The following PNRC1 variants were observed in gnomAD, a reference collection of about 807,000 sequenced individuals.
The protein encoded by PNRC1 is proline rich nuclear receptor coactivator 1.
A neutral mutation model predicts 20.2 loss-of-function variants in PNRC1; 6 were observed. The ratio of observed to expected loss-of-function variants is 0.30; its 90% CI spans 0.16 to 0.59. The LOEUF is 0.59. Ranked by LOEUF, PNRC1 falls within the 20% of genes least tolerant of loss-of-function variation. The pLI, the probability that PNRC1 is intolerant of heterozygous loss-of-function variation, is 0.89. For missense variants in PNRC1, 488 were observed against 430.2 expected, an observed-to-expected ratio of 1.13 and a Z score of -1.19; for synonymous variants, 202 against 186.9, an observed-to-expected ratio of 1.08 and a Z score of -0.66.
Position 89,080,829 on chromosome 6 carries a change from A to C in PNRC1, c.-66A>C. 1 of 1,449,386 alleles carries C rather than the reference A, an allele frequency of 6.9e-7. No individual in the cohort carries two copies. Among genetic ancestry groups the C allele is most frequent in the African/African-American group, 1.9e-5 (1 of 52,340 alleles). 89.8% of individuals were successfully genotyped at this position (1,449,386 alleles called of 1,614,324 possible). A position where few individuals can be genotyped will look rare whatever the true frequency, so the allele number is the denominator to read the frequency against. On this transcript the variant is annotated 5_prime_UTR_variant, in exon 1 of 2. Coordinates refer to ENST00000336032, the MANE Select transcript of PNRC1 (RefSeq NM_006813.3). ...TAGCAGCATCCATCGCCGCCACCCT[A>C]TCTTCACTGGCTTCATTCACCTTCT...
Position 89,084,164 on chromosome 6 carries a change from C to T in PNRC1, c.952C>T (p.His318Tyr). Residue 318 changes from histidine (H) to tyrosine (Y), a missense_variant, in exon 2 of 2, where the codon CAC (histidine) becomes TAC (tyrosine). By Grantham distance (83) the His-to-Tyr change is moderately conservative. Transcript: ENST00000336032. ...CCAAAACAGGGAGCTGATGGCAGTA[C>T]ACTTAAAAACGCTCCTCAAAGTTCA... ...SNQNRELMAV[H>Y]LKTLLKVQT 1 of 1,585,298 alleles carries T rather than the reference C, an allele frequency of 6.3e-7. No homozygotes were observed. The highest frequency in any genetic ancestry group is 1.2e-5 in the South Asian group (1 of 85,874).
rs748183863 is a variant in PNRC1 at position 89,085,014 on chromosome 6, C to T, written c.*818C>T. 2.0e-5 allele frequency: 3 copies of T among 152,166 alleles called. No homozygotes were observed. Among genetic ancestry groups the T allele is most frequent in the African/African-American group, 4.8e-5 (2 of 41,418 alleles). The allele number at this position is 152,166 out of a possible 1,614,324, so 9.4% of individuals were successfully genotyped here. On this transcript the variant is annotated 3_prime_UTR_variant, in exon 2 of 2. Coordinates refer to ENST00000336032, the MANE Select transcript of PNRC1 (RefSeq NM_006813.3). ...AGCATTGAGGTTTTTGAGCATAGTACTTGACTACTCTAGAGGCTGAGACGG... is the reference window on the plus strand; with the variant it reads ...AGCATTGAGGTTTTTGAGCATAGTATTTGACTACTCTAGAGGCTGAGACGG...
intron 1 of PNRC1, among the ~76,000 whole-genome samples, chr6:89,083,290 C>T (rs2127985889): frequency 6.6e-6 from 1 of 152,310 alleles, no homozygotes; most frequent in East Asian, 1.9e-4. Flanking sequence ...CCACCATGCC[C>T]AATTAAAGTT....
Position 89,083,794 on chromosome 6 carries a change from T to G in PNRC1, c.582T>G (p.Leu194=), listed in dbSNP as rs1183562917. ...TGGGAAAATCGGAGAAAATTGCCCT[T>G]CCCCATGGCCAGCTTGTTCATGGTA... The part of the protein sequence containing the change: ...SKMGKSEKIA[L]PHGQLVHGIH... The change falls in exon 2 of 2, where the codon CTT becomes CTG. Residue 194 remains leucine, a synonymous_variant. Transcript: ENST00000336032. 1.9e-6 allele frequency: 3 copies of G among 1,590,996 alleles called. No individual in the cohort carries two copies.
Position 89,083,695 on chromosome 6 carries a change from G to C in PNRC1, c.541-58G>C, listed in dbSNP as rs549439553. On this transcript the variant is annotated intron_variant, in intron 1 of 1. Coordinates refer to ENST00000336032, the MANE Select transcript of PNRC1 (RefSeq NM_006813.3). ...AACAAAACTAGATATGTGATATGAG[G>C]TTCATAACTGATTTTTATCTAGAAA... 5.3e-4 allele frequency: 679 copies of C among 1,290,018 alleles called. 13 individuals carry two copies. The South Asian group carries it at 9.4e-3, about 18-fold the overall frequency. 79.9% of individuals were successfully genotyped at this position (1,290,018 alleles called of 1,614,324 possible).
chr6:89,084,343 T>TTA lies in PNRC1; in HGVS notation c.*151_*152dup. The TTA allele has an allele frequency of 1.7e-6, 1 of 585,978 alleles. No homozygotes were observed. The highest frequency in any genetic ancestry group is 2.4e-5 in the South Asian group (1 of 41,226). The allele number at this position is 585,978 out of a possible 1,614,324, so 36.3% of individuals were successfully genotyped here. On this transcript the variant is annotated 3_prime_UTR_variant, in exon 2 of 2. Coordinates refer to ENST00000336032, the MANE Select transcript of PNRC1 (RefSeq NM_006813.3). ...AAAAATTACATACAAACAGCTTGTA[T>TTA]TATATTTTATATTTTGTAAATACTG...
chr6:89,081,473 A>C (rs1767992090), intron 1 of PNRC1, 39 bp downstream of exon 1: 14 of 994,612 alleles, frequency 1.4e-5, no homozygotes, highest in Admixed American at 7.4e-5. Context: ...TCGGGCCCTT[A>C]GACGGTCGCG....
Position 89,083,941 on chromosome 6 carries a change from C to T in PNRC1, c.729C>T (p.Asp243=), listed in dbSNP as rs558286572. The T allele has an allele frequency of 1.1e-5, 18 of 1,614,030 alleles. No homozygotes were observed. The African/African-American group carries it at 1.2e-4, about 11-fold the overall frequency. The change falls in exon 2 of 2, where the codon GAC becomes GAT. Residue 243 remains aspartate, a synonymous_variant. Coordinates refer to ENST00000336032, the MANE Select transcript of PNRC1 (RefSeq NM_006813.3). ...NNFWQDSVSS[D]RIQKQEKKPF... ...TTTGGCAGGATTCTGTTTCATCTGA[C>T]AGAATTCAGAAGCAGGAAAAAAAGC...
chr6:89,083,947 T>G lies in PNRC1; in HGVS notation c.735T>G (p.Ile245Met). Residue 245 changes from isoleucine to methionine, a missense_variant, in exon 2 of 2, where the codon ATT (isoleucine) becomes ATG (methionine). Physicochemically the swap from Ile to Met is conservative, Grantham distance 10. Coordinates refer to ENST00000336032, the MANE Select transcript of PNRC1 (RefSeq NM_006813.3). ...FWQDSVSSDRIQKQEKKPFKN... is the reference protein window; with the variant it reads ...FWQDSVSSDRMQKQEKKPFKN... ...AGGATTCTGTTTCATCTGACAGAAT[T>G]CAGAAGCAGGAAAAAAAGCCTTTTA... The G allele has an allele frequency of 1.2e-6, 2 of 1,614,016 alleles. No individual in the cohort carries two copies.
chr6:89,082,679 G>A (rs1582237020), intron 1 of PNRC1: 2 of 152,106 alleles, frequency 1.3e-5, no homozygotes, highest in African/African-American at 4.8e-5. Flanking sequence ...ATTACCTTAC[G>A]CTTTTCCATC....
Position 89,081,392 on chromosome 6 carries a change from G to C in PNRC1, c.498G>C (p.Pro166=). Residue 166 remains proline (P), a synonymous_variant, in exon 1 of 2, where the codon CCG becomes CCC. Coordinates refer to ENST00000336032, the MANE Select transcript of PNRC1 (RefSeq NM_006813.3). ...AGGGAGCCAGCCCCGACCTTGCCCCGCTGCGGCCCGCGGCTCCCGGCCAAA... is the reference window on the plus strand; with the variant it reads ...AGGGAGCCAGCCCCGACCTTGCCCCCCTGCGGCCCGCGGCTCCCGGCCAAA... The part of the protein sequence containing the change: ...GTEGASPDLA[P]LRPAAPGQTP... The C allele has an allele frequency of 7.4e-7, 1 of 1,353,698 alleles. No homozygotes were observed. Among genetic ancestry groups the C allele is most frequent in the Non-Finnish European group, 9.4e-7 (1 of 1,061,124 alleles). 83.9% of individuals were successfully genotyped at this position (1,353,698 alleles called of 1,614,324 possible).
In PNRC1 at chr6:89,081,352, C is replaced by T. The variant is rs1421347756; in HGVS notation, c.458C>T (p.Ala153Val). ...PAAALAPSPAAAAGTEGASPD... is the reference protein window; with the variant it reads ...PAAALAPSPAVAAGTEGASPD... ...GCCGCCTTGGCCCCGAGTCCTGCAG[C>T]CGCAGCCGGCACGGAGGGAGCCAGC... is the stretch of plus-strand genomic sequence containing the variant. The change falls in exon 1 of 2, where the codon GCC (alanine) becomes GTC (valine). Residue 153 changes from alanine (A) to valine (V), a missense_variant. Transcript: ENST00000336032. 1.4e-6 allele frequency: 2 copies of T among 1,444,116 alleles called. No individual in the cohort carries two copies. Among genetic ancestry groups the T allele is most frequent in the Non-Finnish European group, 9.0e-7 (1 of 1,109,224 alleles). The allele number at this position is 1,444,116 out of a possible 1,614,324, so 89.5% of individuals were successfully genotyped here. A position where few individuals can be genotyped will look rare whatever the true frequency, so the allele number is the denominator to read the frequency against.
rs544879522 is a variant in PNRC1 at position 89,084,210 on chromosome 6, G to A, written c.*14G>A. On this transcript the variant is annotated 3_prime_UTR_variant, in exon 2 of 2. Coordinates refer to ENST00000336032, the MANE Select transcript of PNRC1 (RefSeq NM_006813.3). ...GTTCAAACTTAGATTTCAGATTTCAGTATGTGTGTAAAACATAATTTTTCC... is the reference window on the plus strand; with the variant it reads ...GTTCAAACTTAGATTTCAGATTTCAATATGTGTGTAAAACATAATTTTTCC... 2.6e-6 allele frequency: 4 copies of A among 1,542,788 alleles called. No homozygotes were observed. The East Asian group carries it at 6.8e-5, about 26-fold the overall frequency.
intron 1 of PNRC1, among the ~76,000 whole-genome samples, 171 bp downstream of exon 1, chr6:89,081,605 G>C (rs1482907563): frequency 6.6e-6 from 1 of 152,136 alleles, no homozygotes; most frequent in Admixed American, 6.5e-5. Context: ...CTTGCTTTGG[G>C]GGAAGAAGGG....
Position 89,080,830 on chromosome 6 carries a change from T to C in PNRC1, c.-65T>C. The C allele has an allele frequency of 1.4e-6, 2 of 1,451,138 alleles. No individual in the cohort carries two copies. Among genetic ancestry groups the C allele is most frequent in the Non-Finnish European group, 1.8e-6 (2 of 1,084,784 alleles). The allele number at this position is 1,451,138 out of a possible 1,614,324, so 89.9% of individuals were successfully genotyped here. On this transcript the variant is annotated 5_prime_UTR_variant, in exon 1 of 2. Coordinates refer to ENST00000336032, the MANE Select transcript of PNRC1 (RefSeq NM_006813.3). The stretch of plus-strand genomic sequence containing the variant: ...AGCAGCATCCATCGCCGCCACCCTA[T>C]CTTCACTGGCTTCATTCACCTTCTC...
At chr6:89,081,911 CT>C (rs1768010737) in intron 1 of PNRC1, 1 of 152,422 alleles carries the variant, frequency 6.6e-6, no homozygotes, top group African/African-American at 2.4e-5. Flanking sequence ...AGCCCCAGTC[CT>C]AGTCGGTGAA....
At chr6:89,083,641 T>C in intron 1 of PNRC1, 112 bp from the exon 2 acceptor site, 1 of 773,086 alleles carries the variant, frequency 1.3e-6, no homozygotes, top group Non-Finnish European at 2.0e-6. Context: ...ATTTTGTTCT[T>C]TTCTATGGCT....
rs1768058093 is a variant in PNRC1, at chr6:89,083,940, A to G, written c.728A>G (p.Asp243Gly). The change falls in exon 2 of 2, where the codon GAC (aspartate) becomes GGC (glycine). Residue 243 changes from aspartate (D) to glycine (G), a missense_variant. Coordinates refer to ENST00000336032, the MANE Select transcript of PNRC1 (RefSeq NM_006813.3). ...NNFWQDSVSS[D>G]RIQKQEKKPF... ...TTTTGGCAGGATTCTGTTTCATCTG[A>G]CAGAATTCAGAAGCAGGAAAAAAAG... 1.9e-6 allele frequency: 3 copies of G among 1,614,066 alleles called. 1 individual carries two copies. In the South Asian group the frequency reaches 3.3e-5, roughly 18 times the overall value.
Position 89,080,922 on chromosome 6 carries a change from G to C in PNRC1, c.28G>C (p.Glu10Gln), listed in dbSNP as rs1056804363. The change falls in exon 1 of 2, where the codon GAG (glutamate) becomes CAG (glutamine). Residue 10 changes from glutamate (E) to glutamine (Q), a missense_variant. Glu to Gln is a conservative substitution (Grantham distance 29). Coordinates refer to ENST00000336032, the MANE Select transcript of PNRC1 (RefSeq NM_006813.3). MTVVSVPQR[E>Q]PLVLGGRLAP... Reference sequence around the variant, plus strand: ...GACTGTCGTCTCCGTCCCGCAGCGGGAGCCGCTCGTCCTGGGTGGCCGCCT... The same window carrying C: ...GACTGTCGTCTCCGTCCCGCAGCGGCAGCCGCTCGTCCTGGGTGGCCGCCT... The C allele has an allele frequency of 6.2e-7, 1 of 1,612,394 alleles. No homozygotes were observed. Among genetic ancestry groups the C allele is most frequent in the Non-Finnish European group, 8.5e-7 (1 of 1,180,014 alleles).
Sources: allele counts gnomAD v4.1 joint callset (sites outside exome capture counted in the v4.1 genomes callset), GRCh38; gene constraint gnomAD v4.1.1; transcripts MANE v1.5; gene names NCBI Gene and HGNC (gene_info 2026-07-23, HGNC 2026-07-21).